FAR1: variants seen among roughly 807,000 people sequenced by gnomAD.
The protein encoded by FAR1 is fatty acyl-CoA reductase 1, also known as male sterility domain-containing protein 2.
FAR1 carries 22 observed loss-of-function variants against 61.1 expected under a neutral mutation model. That is an observed-to-expected ratio of 0.36 (90% CI 0.26 to 0.51). The LOEUF (loss-of-function observed/expected upper bound fraction) is 0.51, where lower values mean the gene tolerates loss of function less well. FAR1 is among the 20% of genes least tolerant of loss of function. The pLI is 0.95. For synonymous variants in FAR1, 206 were observed against 209.7 expected, an observed-to-expected ratio of 0.98 and a Z score of 0.15; for missense variants, 359 against 626.9, an observed-to-expected ratio of 0.57 and a Z score of 4.56.
chr11:13,685,680 A>C (rs900172885), intron 1 of FAR1: 2 of 167,494 alleles, frequency 1.2e-5, no homozygotes. Flanking sequence ...TCGAGCACAC[A>C]CAATGATGGT....
intron 2 of FAR1, among the ~76,000 whole-genome samples, chr11:13,696,215 C>G (rs965699364): frequency 6.6e-6 from 1 of 152,162 alleles, no homozygotes; most frequent in Non-Finnish European, 1.5e-5. Context: ...TCCTCTCCCC[C>G]CAGTGAGGGG....
intron 1 of FAR1, among the ~76,000 whole-genome samples, chr11:13,677,745 A>G (rs779447517): frequency 1.3e-5 from 2 of 152,214 alleles, no homozygotes; most frequent in Admixed American, 6.5e-5. Flanking sequence ...CTTTAGCTCA[A>G]TAATTTCTAC....
chr11:13,675,627 TAAA>T (rs1848059767), intron 1 of FAR1, among the ~76,000 whole-genome samples: 1 of 152,208 alleles, frequency 6.6e-6, no homozygotes, highest in Non-Finnish European at 1.5e-5. Flanking sequence ...CACGTTCTGT[TAAA>T]AAGCCTTCTA....
intron 1 of FAR1, among the ~76,000 whole-genome samples, chr11:13,687,682 T>G (rs985524741): frequency 1.3e-5 from 2 of 152,196 alleles, no homozygotes; most frequent in African/African-American, 2.4e-5. Context: ...AATACATTTC[T>G]TTTCAAATTA....
chr11:13,682,625 T>C (rs1352872888), intron 1 of FAR1, among the ~76,000 whole-genome samples: 2 of 152,228 alleles, frequency 1.3e-5, no homozygotes, highest in Non-Finnish European at 2.9e-5. Flanking sequence ...TTTTTTACTT[T>C]TGAGGCAGGG....
At chr11:13,724,731 T>C (rs1376807329) in intron 10 of FAR1, among the ~76,000 whole-genome samples, 1 of 152,186 alleles carries the variant, frequency 6.6e-6, no homozygotes, top group Non-Finnish European at 1.5e-5. Flanking sequence ...CTAAAAATTA[T>C]TTAAAGGATA....
chr11:13,701,709 A>G (rs1185812213), intron 3 of FAR1, among the ~76,000 whole-genome samples: 1 of 152,118 alleles, frequency 6.6e-6, no homozygotes, highest in African/African-American at 2.4e-5. Context: ...AGGTGAGGGC[A>G]CTGTAATAGT....
intron 9 of FAR1, chr11:13,720,176 T>C (rs1848595364): frequency 1.3e-5 from 2 of 152,164 alleles, no homozygotes; most frequent in South Asian, 2.1e-4. Context: ...GTTAGGGTGA[T>C]TGTGTCACTT....
At chr11:13,726,026 C>G (rs1395651516) in intron 10 of FAR1, among the ~76,000 whole-genome samples, 2 of 151,528 alleles carry the variant, frequency 1.3e-5, no homozygotes, top group Admixed American at 6.6e-5. Context: ...GTAGGTTACT[C>G]TAGAGATTAC....
chr11:13,702,385 AT>A (rs2134185390), intron 3 of FAR1, among the ~76,000 whole-genome samples: 1 of 152,262 alleles, frequency 6.6e-6, no homozygotes, highest in South Asian at 2.1e-4. Context: ...TTTAAAAATT[AT>A]TTTTAAAAGT....
At chr11:13,709,785 A>C (rs1848477357) in intron 4 of FAR1, among the ~76,000 whole-genome samples, 1 of 152,082 alleles carries the variant, frequency 6.6e-6, no homozygotes, top group African/African-American at 2.4e-5. Context: ...TATCTTGATA[A>C]TCTCTGTTTT....
chr11:13,694,977 C>T, intron 2 of FAR1, 23 bp downstream of exon 2: 1 of 1,575,492 alleles, frequency 6.3e-7, no homozygotes, highest in South Asian at 1.2e-5. Flanking sequence ...AATGAGCACT[C>T]AGAACAAAGA....
intron 9 of FAR1, among the ~76,000 whole-genome samples, 170 bp downstream of exon 9, chr11:13,714,850 T>C (rs1009565429): frequency 1.3e-5 from 2 of 152,230 alleles, no homozygotes; most frequent in Non-Finnish European, 2.9e-5. Flanking sequence ...AAGGTAGTGT[T>C]GTAAGTCACT....
chr11:13,710,727 C>T lies in FAR1; in HGVS notation c.580C>T (p.Pro194Ser). ...MDDGLVNDIT[P>S]KLIGDRPNTY... ...TGATGGCCTAGTAAATGATATCACG[C>T]CAAAATTGATAGGAGACAGACCTAA... The change falls in exon 5 of 12, where the codon CCA becomes TCA. Residue 194 changes from proline (P) to serine (S), a missense_variant. By Grantham distance (74) the Pro-to-Ser change is moderately conservative (BLOSUM62 -1). Coordinates refer to ENST00000354817, the MANE Select transcript of FAR1 (RefSeq NM_032228.6). 6.2e-7 allele frequency: 1 copy of T among 1,601,044 alleles called. No individual in the cohort carries two copies. The highest frequency in any genetic ancestry group is 8.5e-7 in the Non-Finnish European group (1 of 1,176,638).
At chr11:13,680,898 G>C (rs1005059008) in intron 1 of FAR1, among the ~76,000 whole-genome samples, 13 of 152,100 alleles carry the variant, frequency 8.5e-5, no homozygotes, top group African/African-American at 2.9e-4. Context: ...AAATATAGTA[G>C]GAAAAACACT....
intron 1 of FAR1, among the ~76,000 whole-genome samples, chr11:13,682,783 AT>A (rs557818296): frequency 4.7e-4 from 68 of 144,350 alleles, no homozygotes; most frequent in East Asian, 1.6e-3. Context: ...TTATTTTTGT[AT>A]TTTTTTTTTT....
chr11:13,729,559 T>A lies in FAR1; in HGVS notation c.*785T>A, dbSNP rs188345001. On this transcript the variant is annotated 3_prime_UTR_variant, in exon 12 of 12. Transcript: ENST00000354817. ...TACAGTTTTCTTTTCCACATTATGA[T>A]CAAATAAAAATCTTGTGAGATTGTT... 6.6e-6 allele frequency: 1 copy of A among 152,110 alleles called. No individual in the cohort carries two copies. Among genetic ancestry groups the A allele is most frequent in the African/African-American group, 2.4e-5 (1 of 41,568 alleles). 9.4% of individuals were successfully genotyped at this position (152,110 alleles called of 1,614,324 possible).
chr11:13,670,836 A>G (rs1194159115), intron 1 of FAR1, among the ~76,000 whole-genome samples: 1 of 152,038 alleles, frequency 6.6e-6, no homozygotes, highest in Admixed American at 6.6e-5. Flanking sequence ...GACTGAGGTC[A>G]GAGAAGAGGT....
chr11:13,670,631 A>T (rs1457230592), intron 1 of FAR1, among the ~76,000 whole-genome samples: 1 of 151,132 alleles, frequency 6.6e-6, no homozygotes, highest in Admixed American at 6.6e-5. Flanking sequence ...TTCCACATAA[A>T]TTTTCTGGAG....
Sources: gnomAD v4.1 joint callset for allele counts (sites outside exome capture counted in the v4.1 genomes callset) on GRCh38, gnomAD v4.1.1 for gene constraint, MANE v1.5 for transcripts, NCBI Gene and HGNC (gene_info 2026-07-23, HGNC 2026-07-21) for gene names.